RB1CC1: variants seen among roughly 807,000 people sequenced by gnomAD.
RB1CC1 encodes RB1 inducible coiled-coil 1.
RB1CC1 carries 46 observed loss-of-function variants against 177.5 expected under a neutral mutation model. That is an observed-to-expected ratio of 0.26 (90% confidence interval 0.20 to 0.33). RB1CC1 has a LOEUF of 0.33. Ranked by LOEUF, RB1CC1 falls within the 10% of genes least tolerant of loss-of-function variation. RB1CC1 has a pLI of 1.00. For missense variants in RB1CC1, 1,703 were observed against 1,816.3 expected, an observed-to-expected ratio of 0.94 and a Z score of 1.13; for synonymous variants, 666 against 613.6, an observed-to-expected ratio of 1.09 and a Z score of -1.26.
intron 18 of RB1CC1, among the ~76,000 whole-genome samples, chr8:52,642,054 C>T (rs1371541454): frequency 6.6e-6 from 1 of 152,026 alleles, no homozygotes; most frequent in African/African-American, 2.4e-5. Context: ...AGGTAATGGA[C>T]CCCAAAATGT....
intron 16 of RB1CC1, among the ~76,000 whole-genome samples, chr8:52,644,328 G>C (rs1483472773): frequency 6.6e-6 from 1 of 152,092 alleles, no homozygotes; most frequent in African/African-American, 2.4e-5. Context: ...AATATTAAAA[G>C]AGACATCAAA....
chr8:52,645,665 T>C (rs756763802), intron 16 of RB1CC1, 37 bp downstream of exon 16: 13 of 1,583,760 alleles, frequency 8.2e-6, no homozygotes, highest in Non-Finnish European at 1.1e-5. Context: ...GTCTACCTTC[T>C]TTAGTTCTCA....
chr8:52,704,447 G>A (rs1856376392), intron 1 of RB1CC1, among the ~76,000 whole-genome samples: 1 of 127,936 alleles, frequency 7.8e-6, no homozygotes, highest in Non-Finnish European at 1.7e-5. Flanking sequence ...TTCACACAAA[G>A]GTGACATTAA....
intron 22 of RB1CC1, among the ~76,000 whole-genome samples, chr8:52,627,547 T>C (rs1371884414): frequency 1.3e-5 from 2 of 152,174 alleles, no homozygotes; most frequent in Non-Finnish European, 2.9e-5. Flanking sequence ...TAGACATTGT[T>C]ACTTAGTATA....
chr8:52,701,893 G>A (rs1408304704), intron 1 of RB1CC1, among the ~76,000 whole-genome samples: 2 of 151,432 alleles, frequency 1.3e-5, no homozygotes, highest in Middle Eastern at 3.4e-3. Flanking sequence ...TGCAACCTCC[G>A]CCTCCCGGGT....
At position 52,632,131 on chromosome 8, in the gene RB1CC1, TCTC is replaced by T. The variant is rs1262144130; in HGVS notation, c.4441-1606_4441-1604del. On this transcript the variant is annotated intron_variant, in intron 20 of 23. Coordinates refer to ENST00000025008, the MANE Select transcript of RB1CC1 (RefSeq NM_014781.5). ...ATAGCCATGGCTTAGCCGGGACTGTTCTCCTCTTCAAACAAGCTTCAATCCATT... is the reference window on the plus strand; with the variant it reads ...ATAGCCATGGCTTAGCCGGGACTGTTCTCTTCAAACAAGCTTCAATCCATT... Among the ~76,000 whole-genome samples the T allele has an allele frequency of 7.2e-5, 11 of 152,254 alleles. No homozygotes were observed. The East Asian group carries it at 1.5e-3, about 21-fold the overall frequency.
Position 52,656,196 on chromosome 8 carries a change from G to A in RB1CC1, c.3633C>T (p.Asn1211=). ...CCAATTTTTGTCTGTCTTTCTCAAG[G>A]TTCTGGATAATAGCTTCGTATTTCT... The part of the protein sequence containing the change: ...QEEKYEAIIQ[N]LEKDRQKLVS... Residue 1211 remains asparagine, a synonymous_variant, in exon 15 of 24, where the codon AAC becomes AAT. Coordinates refer to ENST00000025008, the MANE Select transcript of RB1CC1 (RefSeq NM_014781.5). The A allele has an allele frequency of 1.2e-6, 2 of 1,613,566 alleles. No individual in the cohort carries two copies. Among genetic ancestry groups the A allele is most frequent in the Non-Finnish European group, 1.7e-6 (2 of 1,179,790 alleles).
intron 5 of RB1CC1, among the ~76,000 whole-genome samples, chr8:52,679,202 A>AT (rs1290310662): frequency 2.0e-5 from 3 of 152,224 alleles, no homozygotes; most frequent in African/African-American, 7.2e-5. Flanking sequence ...TTATTCCTAA[A>AT]TAAGATAGCT....
intron 5 of RB1CC1, among the ~76,000 whole-genome samples, chr8:52,679,528 A>T (rs1853494900): frequency 6.6e-6 from 1 of 152,202 alleles, no homozygotes; most frequent in Non-Finnish European, 1.5e-5. Flanking sequence ...TGCCCTTCTG[A>T]ACCAAACCAA....
At position 52,683,733 on chromosome 8, in the gene RB1CC1, A is replaced by G. The variant is rs1337105790; in HGVS notation, c.199-14T>C. On this transcript the variant is annotated splice_polypyrimidine_tract_variant and intron_variant, in intron 4 of 23. Coordinates refer to ENST00000025008, the MANE Select transcript of RB1CC1 (RefSeq NM_014781.5). Reference sequence around the variant, plus strand: ...TGGATTTGTATCCTATATTTTTTAAAAAAGGAGAAATAACCAAAATAAAAT... The same window carrying G: ...TGGATTTGTATCCTATATTTTTTAAGAAAGGAGAAATAACCAAAATAAAAT... 1 of 1,564,752 alleles carries G rather than the reference A, an allele frequency of 6.4e-7. No homozygotes were observed. The highest frequency in any genetic ancestry group is 8.7e-7 in the Non-Finnish European group (1 of 1,155,310).
intron 18 of RB1CC1, among the ~76,000 whole-genome samples, chr8:52,638,164 T>C (rs142641897): frequency 6.6e-6 from 1 of 152,322 alleles, no homozygotes; most frequent in East Asian, 1.9e-4. Flanking sequence ...AGTCAATTCC[T>C]AGTTTGTTGA....
chr8:52,645,963 A>C, intron 15 of RB1CC1, 96 bp from the exon 16 acceptor site: 63 of 1,178,038 alleles, frequency 5.3e-5, no homozygotes, highest in Non-Finnish European at 7.2e-5. Context: ...CCTTAAGCTC[A>C]ATAATGTAGC....
intron 1 of RB1CC1, among the ~76,000 whole-genome samples, chr8:52,712,038 C>CA (rs1041826194): frequency 6.6e-6 from 1 of 152,032 alleles, no homozygotes; most frequent in Non-Finnish European, 1.5e-5. Context: ...CGTCTCTACT[C>CA]AAGAACAATT....
At chr8:52,646,868 G>T (rs1850094413) in intron 15 of RB1CC1, among the ~76,000 whole-genome samples, 1 of 151,976 alleles carries the variant, frequency 6.6e-6, no homozygotes, top group African/African-American at 2.4e-5. Context: ...TTAAAAAAAG[G>T]TTTCTCCAAG....
At position 52,657,014 on chromosome 8, in the gene RB1CC1, T is replaced by C. The variant is rs768650895; in HGVS notation, c.2815A>G (p.Asn939Asp). ...EKDQKLLEME[N>D]IMHSQNCEIK... ...TCACAATTTTGAGAGTGCATTATAT[T>C]TTCCATCTCTAACAACTTCTGATCC... Residue 939 changes from asparagine to aspartate, a missense_variant, in exon 15 of 24, where the codon AAT becomes GAT. Asn to Asp is a conservative substitution (Grantham distance 23, BLOSUM62 1). Coordinates refer to ENST00000025008, the MANE Select transcript of RB1CC1 (RefSeq NM_014781.5). The C allele has an allele frequency of 1.2e-6, 2 of 1,613,676 alleles. No individual in the cohort carries two copies.
intron 1 of RB1CC1, among the ~76,000 whole-genome samples, chr8:52,711,751 T>C (rs576350335): frequency 2.0e-5 from 3 of 152,342 alleles, no homozygotes; most frequent in African/African-American, 4.8e-5. Flanking sequence ...CAAACCTGAA[T>C]ATGTAGAGCC....
At chr8:52,650,548 T>C (rs1323243363) in intron 15 of RB1CC1, among the ~76,000 whole-genome samples, 1 of 152,194 alleles carries the variant, frequency 6.6e-6, no homozygotes, top group Admixed American at 6.5e-5. Context: ...CCAACATTCA[T>C]GTAAACTCTA....
chr8:52,631,182 CAACTTAT>C (rs574324977), intron 20 of RB1CC1, among the ~76,000 whole-genome samples: 1 of 152,266 alleles, frequency 6.6e-6, no homozygotes, highest in African/African-American at 2.4e-5. Context: ...TACAATCTTA[CAACTTAT>C]GACCAGGAAG....
chr8:52,656,283 T>A lies in RB1CC1; in HGVS notation c.3546A>T (p.Lys1182Asn), dbSNP rs200810971. The A allele has an allele frequency of 2.1e-5, 34 of 1,613,396 alleles. No homozygotes were observed. In the African/African-American group the frequency reaches 4.5e-4, roughly 22 times the overall value. The change falls in exon 15 of 24, where the codon AAA (lysine) becomes AAT (asparagine). Residue 1182 changes from lysine to asparagine, a missense_variant. Coordinates refer to ENST00000025008, the MANE Select transcript of RB1CC1 (RefSeq NM_014781.5). ...CAAGAGCACTCAATTCTGAATCCAA[T>A]TTACTCTGCAGTTCAATTATTTGTT... ...LKEQIIELQS[K>N]LDSELSALER... is the part of the protein sequence containing the mutation.
Sources: allele counts gnomAD v4.1 joint callset (sites outside exome capture counted in the v4.1 genomes callset), GRCh38; gene constraint gnomAD v4.1.1; transcripts MANE v1.5; gene names NCBI Gene and HGNC (gene_info 2026-07-23, HGNC 2026-07-21).